The following CCDC150 variants were observed in gnomAD, a reference collection of about 807,000 sequenced individuals.
CCDC150 encodes coiled-coil domain containing 150, also known as coiled-coil domain-containing protein 150.
A neutral mutation model predicts 156.5 loss-of-function variants in CCDC150; 151 were observed. The observed-to-expected ratio is 0.97, with a 90% CI of 0.85 to 1.10. CCDC150 has a LOEUF of 1.10. Among genes scored for constraint, CCDC150 ranks in the 50% least tolerant of loss-of-function variants. The pLI, the probability that CCDC150 is intolerant of heterozygous loss-of-function variation, is 0.00. For synonymous variants in CCDC150, 452 were observed against 429.4 expected (o/e 1.05, Z -0.65); for missense variants, 1,312 against 1,268.1 (o/e 1.03, Z -0.53).
At chr2:196,676,773 G>A (rs1475040009) in intron 12 of CCDC150, 42 bp downstream of exon 12, 1 of 1,511,286 alleles carries the variant, frequency 6.6e-7, no homozygotes, top group East Asian at 2.3e-5. Flanking sequence ...ATTGTGGTGT[G>A]ATGATGTTTT....
intron 25 of CCDC150, 143 bp downstream of exon 25, chr2:196,730,261 AT>A (rs1425388035): frequency 1.6e-6 from 1 of 643,840 alleles, no homozygotes; most frequent in African/African-American, 1.8e-5. Context: ...AGTCCTTAGA[AT>A]AATAGTATCT....
chr2:196,713,128 C>T (rs1262398363), intron 17 of CCDC150: 2 of 572,820 alleles, frequency 3.5e-6, no homozygotes, highest in South Asian at 3.9e-5. Flanking sequence ...TAAAGGAGGC[C>T]TCATTAGATG....
chr2:196,651,945 G>T (rs747568042), intron 2 of CCDC150, among the ~76,000 whole-genome samples: 69 of 152,128 alleles, frequency 4.5e-4, no homozygotes, highest in Admixed American at 4.5e-3. Flanking sequence ...GAGAGAGGGA[G>T]CAAGAGAGAG....
intron 1 of CCDC150, among the ~76,000 whole-genome samples, chr2:196,641,242 G>T (rs1405535033): frequency 6.6e-6 from 1 of 152,108 alleles, no homozygotes; most frequent in Non-Finnish European, 1.5e-5. Flanking sequence ...CTTCCAAAGT[G>T]CTGGGATTAC....
At chr2:196,704,213 G>C (rs1174027867) in intron 15 of CCDC150, among the ~76,000 whole-genome samples, 1 of 152,166 alleles carries the variant, frequency 6.6e-6, no homozygotes, top group Non-Finnish European at 1.5e-5. Flanking sequence ...ACTGGATTTT[G>C]TGTGTTAATG....
chr2:196,666,761 A>C lies in CCDC150; in HGVS notation c.805A>C (p.Ile269Leu). ...QQNCIALRDS[I>L]QSAQELLAQE... is the part of the protein sequence containing the mutation. ...AAACTGCATTGCTCTACGTGATTCT[A>C]TACAGAGCGCTCAAGAACTACTGGC... Residue 269 changes from isoleucine (I) to leucine (L), a missense_variant, in exon 7 of 28, where the codon ATA (isoleucine) becomes CTA (leucine). Transcript: ENST00000389175. 1 of 1,613,054 alleles carries C rather than the reference A, an allele frequency of 6.2e-7. No individual in the cohort carries two copies. The highest frequency in any genetic ancestry group is 8.5e-7 in the Non-Finnish European group (1 of 1,179,376).
chr2:196,713,608 G>A, intron 17 of CCDC150: 2 of 1,512,290 alleles, frequency 1.3e-6, no homozygotes, highest in Non-Finnish European at 1.8e-6. Flanking sequence ...AGGGAAGACT[G>A]GAAGGCAAAA....
At chr2:196,713,668 T>C (rs1697295273) in intron 17 of CCDC150, 5 of 1,409,744 alleles carry the variant, frequency 3.5e-6, no homozygotes, top group Non-Finnish European at 3.7e-6. Context: ...CACCAAATTT[T>C]CTTAAACAGG....
intron 1 of CCDC150, among the ~76,000 whole-genome samples, chr2:196,644,990 G>A (rs1301632620): frequency 5.3e-5 from 8 of 151,760 alleles, no homozygotes; most frequent in Non-Finnish European, 1.0e-4. Context: ...CGGGCATGGT[G>A]GCACATAACT....
At position 196,730,067 on chromosome 2, in the gene CCDC150, G is replaced by A. The variant is rs1420516935; in HGVS notation, c.2931G>A (p.Leu977=). The A allele has an allele frequency of 3.1e-6, 5 of 1,613,022 alleles. No homozygotes were observed. Among genetic ancestry groups the A allele is most frequent in the South Asian group, 1.1e-5 (1 of 90,756 alleles). The part of the protein sequence containing the change: ...DASVRNKQQE[L]HLEAERKIRQ... Reference sequence around the variant, plus strand: ...CAGTGCGGAATAAACAGCAAGAGCTGCACCTAGAAGCAGAGCGGAAAATAA... The same window carrying A: ...CAGTGCGGAATAAACAGCAAGAGCTACACCTAGAAGCAGAGCGGAAAATAA... The change falls in exon 25 of 28, where the codon CTG becomes CTA. Residue 977 remains leucine, a synonymous_variant. Coordinates refer to ENST00000389175, the MANE Select transcript of CCDC150 (RefSeq NM_001080539.2).
chr2:196,661,455 C>T (rs1693553886), intron 5 of CCDC150, among the ~76,000 whole-genome samples: 1 of 152,134 alleles, frequency 6.6e-6, no homozygotes, highest in African/African-American at 2.4e-5. Flanking sequence ...GTGTCCAAAT[C>T]TCTTCTAATC....
intron 13 of CCDC150, among the ~76,000 whole-genome samples, chr2:196,694,586 G>A (rs1695700051): frequency 6.6e-6 from 1 of 152,144 alleles, no homozygotes; most frequent in African/African-American, 2.4e-5. Context: ...TAGAGTGGCT[G>A]GACTCTGTGG....
intron 13 of CCDC150, among the ~76,000 whole-genome samples, chr2:196,683,435 G>A (rs1452054057): frequency 1.3e-5 from 2 of 151,848 alleles, no homozygotes; most frequent in Non-Finnish European, 2.9e-5. Context: ...AAGATTTTTT[G>A]CATCTATATT....
At chr2:196,726,635 TAGA>T (rs1369633491) in intron 22 of CCDC150, 2 of 154,464 alleles carry the variant, frequency 1.3e-5, no homozygotes, top group South Asian at 2.0e-4. Context: ...ATTTGGTTGA[TAGA>T]AGAAGAGAGG....
intron 17 of CCDC150, among the ~76,000 whole-genome samples, chr2:196,716,027 C>T (rs1246993917): frequency 6.6e-6 from 1 of 152,000 alleles, no homozygotes; most frequent in Non-Finnish European, 1.5e-5. Context: ...AGAAGAAAAC[C>T]TAAGAAAAAG....
intron 7 of CCDC150, chr2:196,668,032 G>A: frequency 6.6e-6 from 1 of 152,370 alleles, no homozygotes; most frequent in Non-Finnish European, 1.5e-5. Flanking sequence ...GAGCGTGGTG[G>A]CTCAGCCTGT....
chr2:196,651,590 A>G (rs1288087252), intron 2 of CCDC150, among the ~76,000 whole-genome samples: 1 of 152,142 alleles, frequency 6.6e-6, no homozygotes, highest in African/African-American at 2.4e-5. Flanking sequence ...GATTTTGACT[A>G]TATATTCTAC....
intron 15 of CCDC150, among the ~76,000 whole-genome samples, chr2:196,706,179 G>A (rs1427061174): frequency 1.3e-5 from 2 of 152,138 alleles, no homozygotes; most frequent in Non-Finnish European, 2.9e-5. Flanking sequence ...ATTTGTTTGT[G>A]TCCTCTTTTA....
chr2:196,675,167 G>A (rs1455002749), intron 10 of CCDC150, among the ~76,000 whole-genome samples: 1 of 152,050 alleles, frequency 6.6e-6, no homozygotes, highest in East Asian at 1.9e-4. Flanking sequence ...GAGCTCTCTA[G>A]AGGCAAGGAC....
Sources: allele counts gnomAD v4.1 joint callset (sites outside exome capture counted in the v4.1 genomes callset), GRCh38; gene constraint gnomAD v4.1.1; transcripts MANE v1.5; gene names NCBI Gene and HGNC (gene_info 2026-07-23, HGNC 2026-07-21).